TENM2: variants seen among roughly 807,000 people sequenced by gnomAD.
TENM2 encodes teneurin transmembrane protein 2.
TENM2 carries 52 observed loss-of-function variants against 245.2 expected under a neutral mutation model. The observed-to-expected ratio is 0.21, with a 90% CI of 0.17 to 0.27. TENM2 has a LOEUF of 0.27. Among genes scored for constraint, TENM2 ranks in the 10% least tolerant of loss-of-function variants. The pLI, the probability that TENM2 is intolerant of heterozygous loss-of-function variation, is 1.00. For synonymous variants in TENM2, 1,363 were observed against 1,438.9 expected, an observed-to-expected ratio of 0.95 and a Z score of 1.19; for missense variants, 3,046 against 3,666.8, an observed-to-expected ratio of 0.83 and a Z score of 4.37.
intron 2 of TENM2, among the ~76,000 whole-genome samples, chr5:167,727,267 G>A (rs1414731142): frequency 1.3e-5 from 2 of 151,844 alleles, no homozygotes; most frequent in East Asian, 1.9e-4. Context: ...CCGCCACCAC[G>A]CCCGGCTAAT....
At chr5:167,627,426 T>C (rs1778579640) in intron 2 of TENM2, among the ~76,000 whole-genome samples, 1 of 152,148 alleles carries the variant, frequency 6.6e-6, no homozygotes, top group South Asian at 2.1e-4. Flanking sequence ...GACCATAAGA[T>C]GATAATTCTG....
chr5:168,200,532 G>A (rs1761847606), intron 17 of TENM2, among the ~76,000 whole-genome samples: 1 of 152,188 alleles, frequency 6.6e-6, no homozygotes, highest in Admixed American at 6.5e-5. Context: ...GTGTTTGACA[G>A]ACAGAGAGAA....
At chr5:167,425,167 T>G (rs1011778394) in intron 2 of TENM2, among the ~76,000 whole-genome samples, 1 of 152,198 alleles carries the variant, frequency 6.6e-6, no homozygotes, top group African/African-American at 2.4e-5. Context: ...ATCTATGAGT[T>G]ATTTCTAAAT....
intron 12 of TENM2, among the ~76,000 whole-genome samples, chr5:168,137,604 G>A (rs144183015): frequency 5.9e-5 from 9 of 152,240 alleles, no homozygotes; most frequent in Non-Finnish European, 1.3e-4. Flanking sequence ...CCTGGCAACA[G>A]GGCAAGGAGA....
chr5:167,119,189 G>A, the TENM2 span, among the ~76,000 whole-genome samples: 2 of 152,146 alleles, frequency 1.3e-5, no homozygotes, highest in Admixed American at 6.5e-5. Flanking sequence ...TATTACTAAA[G>A]TATGTAAAAC....
intron 2 of TENM2, among the ~76,000 whole-genome samples, chr5:167,596,462 C>G (rs1776217596): frequency 6.6e-6 from 1 of 152,126 alleles, no homozygotes; most frequent in African/African-American, 2.4e-5. Flanking sequence ...TCTATTGTTT[C>G]ATCAGTGAAT....
intron 2 of TENM2, among the ~76,000 whole-genome samples, chr5:167,872,536 GAAAGAAAGAAAGAGAAAGAA>G (rs1199253115): frequency 3.1e-3 from 158 of 50,686 alleles, no homozygotes; most frequent in African/African-American, 7.9e-3. Context: ...AAGAAAGAAA[GAAAGAAAGAAAGAGAAAGAA>G]AGAAAGAAAG....
intron 2 of TENM2, among the ~76,000 whole-genome samples, chr5:167,557,408 T>G (rs1332579554): frequency 6.6e-6 from 1 of 152,190 alleles, no homozygotes; most frequent in Non-Finnish European, 1.5e-5. Context: ...GCTCTGCCAG[T>G]GACTCATTAT....
At chr5:167,029,599 A>C in the TENM2 span, among the ~76,000 whole-genome samples, 1 of 152,170 alleles carries the variant, frequency 6.6e-6, no homozygotes, top group African/African-American at 2.4e-5. Flanking sequence ...CAAGTGACTT[A>C]TCAGGCTAAT....
intron 2 of TENM2, among the ~76,000 whole-genome samples, chr5:167,741,763 A>G (rs1487890046): frequency 6.6e-6 from 1 of 152,104 alleles, no homozygotes; most frequent in Non-Finnish European, 1.5e-5. Context: ...ATCAGACCTC[A>G]CTGACGCTTC....
At chr5:167,304,066 T>C (rs945034472) in intron 1 of TENM2, among the ~76,000 whole-genome samples, 3 of 152,222 alleles carry the variant, frequency 2.0e-5, no homozygotes, top group Non-Finnish European at 2.9e-5. Flanking sequence ...CTGACAATAA[T>C]GTGCTAAATG....
chr5:167,794,543 A>G (rs924950153), intron 2 of TENM2, among the ~76,000 whole-genome samples: 1 of 152,226 alleles, frequency 6.6e-6, no homozygotes, highest in Non-Finnish European at 1.5e-5. Context: ...GCTGAAGTTA[A>G]TGTGGGTGTA....
At chr5:167,961,184 C>A (rs1166782899) in intron 4 of TENM2, among the ~76,000 whole-genome samples, 2 of 152,300 alleles carry the variant, frequency 1.3e-5, no homozygotes, top group Non-Finnish European at 2.9e-5. Flanking sequence ...TTATTTTTAA[C>A]CATGTCTACA....
intron 3 of TENM2, among the ~76,000 whole-genome samples, chr5:167,908,587 T>C (rs1309377307): frequency 4.8e-5 from 1 of 20,754 alleles, no homozygotes; most frequent in Non-Finnish European, 9.2e-5. Context: ...CTCTCCTCCC[T>C]TCCCCTCCCC....
At chr5:167,020,199 C>T in the TENM2 span, among the ~76,000 whole-genome samples, 1 of 152,108 alleles carries the variant, frequency 6.6e-6, no homozygotes, top group Non-Finnish European at 1.5e-5. Flanking sequence ...TGGAACATAA[C>T]CTATTTGTGA....
the TENM2 span, among the ~76,000 whole-genome samples, chr5:167,262,139 A>G: frequency 6.6e-6 from 1 of 152,228 alleles, no homozygotes. Flanking sequence ...GAGATAACAC[A>G]AGAAAGAAGA....
At chr5:167,375,322 C>G (rs1451130035) in exon 2 of TENM2, 1 of 1,551,662 alleles carries the variant, frequency 6.4e-7, no homozygotes, top group Non-Finnish European at 8.7e-7. Context: ...ACGCCGACTC[C>G]GACACCGAGG....
intron 2 of TENM2, among the ~76,000 whole-genome samples, chr5:167,466,091 C>A (rs1398509335): frequency 6.6e-6 from 1 of 152,156 alleles, no homozygotes; most frequent in Non-Finnish European, 1.5e-5. Flanking sequence ...ATCTACTCTT[C>A]ACACTATATG....
In TENM2 at chr5:167,929,043, A is replaced by G. The variant is rs375617380; in HGVS notation, c.713-23545A>G. Among the ~76,000 whole-genome samples the G allele has an allele frequency of 1.2e-4, 16 of 135,310 alleles. No individual in the cohort carries two copies. The East Asian group carries it at 2.6e-3, about 22-fold the overall frequency. 88.8% of individuals were successfully genotyped at this position (135,310 alleles called of 152,430 possible). On this transcript the variant is annotated intron_variant, in intron 3 of 28. Coordinates refer to ENST00000518659, the Ensembl canonical transcript of TENM2. Reference sequence around the variant, plus strand: ...GAGAAAGGAAAGAAAGAAAGAAAAGAAAAAAGAAAGAAAGAGAGAAAGAAA... The same window carrying G: ...GAGAAAGGAAAGAAAGAAAGAAAAGGAAAAAGAAAGAAAGAGAGAAAGAAA...
Sources: gnomAD v4.1 joint callset for allele counts (sites outside exome capture counted in the v4.1 genomes callset) on GRCh38, gnomAD v4.1.1 for gene constraint, MANE v1.5 for transcripts, NCBI Gene and HGNC (gene_info 2026-07-23, HGNC 2026-07-21) for gene names.